VAV3: variants seen among roughly 807,000 people sequenced by gnomAD.
VAV3 encodes guanine nucleotide exchange factor VAV3.
Under a neutral mutation model 131.2 loss-of-function variants are expected in VAV3, and 94 were observed. The ratio of observed to expected loss-of-function variants is 0.72; its 90% confidence interval spans 0.61 to 0.85. The LOEUF is 0.85. VAV3 is among the 40% of genes least tolerant of loss of function. The pLI is 0.00. For missense variants in VAV3, 939 were observed against 1,002.7 expected (o/e 0.94, Z 0.86); for synonymous variants, 349 against 342.0 (o/e 1.02, Z -0.22).
At chr1:107,679,125 C>T (rs1475027946) in intron 19 of VAV3, among the ~76,000 whole-genome samples, 1 of 152,066 alleles carries the variant, frequency 6.6e-6, no homozygotes, top group Non-Finnish European at 1.5e-5. Context: ...TTTCTTCATA[C>T]AATAACAAAT....
intron 10 of VAV3, among the ~76,000 whole-genome samples, chr1:107,757,973 G>C (rs1664207117): frequency 6.6e-6 from 1 of 152,044 alleles, no homozygotes; most frequent in Non-Finnish European, 1.5e-5. Context: ...AAATTCACAC[G>C]AGTCCCGGAC....
intron 15 of VAV3, among the ~76,000 whole-genome samples, chr1:107,739,765 C>T (rs1239595851): frequency 6.6e-6 from 1 of 152,166 alleles, no homozygotes; most frequent in African/African-American, 2.4e-5. Flanking sequence ...GGGCTTTGGA[C>T]ACTAAGAAAA....
At chr1:107,689,535 T>C (rs902589687) in intron 17 of VAV3, among the ~76,000 whole-genome samples, 1 of 152,054 alleles carries the variant, frequency 6.6e-6, no homozygotes, top group African/African-American at 2.4e-5. Flanking sequence ...TTTTTCTTTT[T>C]TTAACGAATA....
At chr1:107,743,795 A>C (rs2102029690) in intron 15 of VAV3, among the ~76,000 whole-genome samples, 1 of 152,356 alleles carries the variant, frequency 6.6e-6, no homozygotes, top group Middle Eastern at 3.4e-3. Flanking sequence ...TAAACTACAG[A>C]AAGTAAACTT....
intron 15 of VAV3, among the ~76,000 whole-genome samples, chr1:107,714,990 A>T (rs1661009957): frequency 1.3e-5 from 2 of 152,208 alleles, no homozygotes; most frequent in African/African-American, 4.8e-5. Context: ...AATGAAATGT[A>T]AAGTCAGTTA....
chr1:107,589,817 C>T (rs1056869783), intron 25 of VAV3, among the ~76,000 whole-genome samples: 29 of 151,982 alleles, frequency 1.9e-4, no homozygotes, highest in Non-Finnish European at 2.9e-5. Flanking sequence ...TGGTTAGGAA[C>T]CTGTACGAAG....
intron 2 of VAV3, among the ~76,000 whole-genome samples, chr1:107,799,801 A>C (rs1321835081): frequency 6.6e-6 from 1 of 152,152 alleles, no homozygotes; most frequent in South Asian, 2.1e-4. Context: ...TTTTTCTATC[A>C]AATTGTATAT....
chr1:107,653,547 C>A (rs1209853397), intron 19 of VAV3, among the ~76,000 whole-genome samples: 1 of 151,968 alleles, frequency 6.6e-6, no homozygotes, highest in Admixed American at 6.6e-5. Flanking sequence ...AAGGTTTAGT[C>A]CCTCCCTTAT....
At chr1:107,780,043 G>A (rs1018532322) in intron 2 of VAV3, among the ~76,000 whole-genome samples, 1 of 152,168 alleles carries the variant, frequency 6.6e-6, no homozygotes, top group African/African-American at 2.4e-5. Flanking sequence ...ATATAGCAAA[G>A]CAGGTGAGAC....
intron 17 of VAV3, among the ~76,000 whole-genome samples, chr1:107,695,319 G>A (rs546720347): frequency 6.6e-6 from 1 of 152,212 alleles, no homozygotes; most frequent in African/African-American, 2.4e-5. Context: ...GTAAGAATAA[G>A]ATTAAGAGCA....
chr1:107,736,529 T>G (rs7549703), intron 15 of VAV3, among the ~76,000 whole-genome samples: 11,723 of 152,200 alleles, frequency 0.077, 545 homozygotes, highest in African/African-American at 0.13. Context: ...ACAAAATCAA[T>G]GTGCAAAAAT....
At chr1:107,704,417 T>G in intron 17 of VAV3, 133 bp downstream of exon 17, 2 of 630,060 alleles carry the variant, frequency 3.2e-6, no homozygotes, top group Non-Finnish European at 5.3e-6. Flanking sequence ...TTTCTAATTG[T>G]GCTTATAAAT....
intron 19 of VAV3, among the ~76,000 whole-genome samples, chr1:107,658,592 A>G (rs549342499): frequency 6.9e-4 from 105 of 152,046 alleles, no homozygotes; most frequent in African/African-American, 2.4e-3. Flanking sequence ...CTATTTCTCC[A>G]CATCCTCTCC....
chr1:107,770,738 G>A lies in VAV3; in HGVS notation c.556-10C>T. 1 of 1,589,338 alleles carries A rather than the reference G, an allele frequency of 6.3e-7. No homozygotes were observed. The highest frequency in any genetic ancestry group is 8.6e-7 in the Non-Finnish European group (1 of 1,165,394). On this transcript the variant is annotated splice_polypyrimidine_tract_variant and intron_variant, in intron 5 of 26. Coordinates refer to ENST00000370056, the MANE Select transcript of VAV3 (RefSeq NM_006113.5). Reference sequence around the variant, plus strand: ...CATTTTCTGGACATTTCTGCAGTTAGAATTATCAAAATAAAATGATTTAAT... The same window carrying A: ...CATTTTCTGGACATTTCTGCAGTTAAAATTATCAAAATAAAATGATTTAAT...
At chr1:107,666,546 T>C (rs1657421964) in intron 19 of VAV3, among the ~76,000 whole-genome samples, 1 of 151,228 alleles carries the variant, frequency 6.6e-6, no homozygotes, top group South Asian at 2.1e-4. Context: ...CTCCCTTTCA[T>C]ACTTCTATGG....
In VAV3 at chr1:107,766,523, T is replaced by C. The variant is rs747096737; in HGVS notation, c.745A>G (p.Met249Val). 3.1e-6 allele frequency: 5 copies of C among 1,613,356 alleles called. No individual in the cohort carries two copies. In the Admixed American group the frequency reaches 8.3e-5, roughly 27 times the overall value. The change falls in exon 8 of 27, where the codon ATG (methionine) becomes GTG (valine). Residue 249 changes from methionine to valine, a missense_variant. Transcript: ENST00000370056. ...ACAATGGAATCATGAATCTCTTGCATTAGGTTCCGATGAAGTTTTACAAGT... is the reference window on the plus strand; with the variant it reads ...ACAATGGAATCATGAATCTCTTGCACTAGGTTCCGATGAAGTTTTACAAGT... ...PELVKLHRNL[M>V]QEIHDSIVNK...
At chr1:107,588,165 C>T (rs1244148406) in intron 25 of VAV3, among the ~76,000 whole-genome samples, 1 of 152,030 alleles carries the variant, frequency 6.6e-6, no homozygotes, top group East Asian at 1.9e-4. Context: ...CCTGAAGTAA[C>T]TAAATAAAAA....
chr1:107,573,731 T>C (rs1290105559), intron 26 of VAV3, among the ~76,000 whole-genome samples: 2 of 152,226 alleles, frequency 1.3e-5, no homozygotes, highest in African/African-American at 2.4e-5. Context: ...TATAGATATT[T>C]TGCAATACAC....
At chr1:107,663,256 T>C (rs1483443921) in intron 19 of VAV3, among the ~76,000 whole-genome samples, 5 of 152,156 alleles carry the variant, frequency 3.3e-5, no homozygotes, top group Non-Finnish European at 7.3e-5. Context: ...AGATACAGAC[T>C]TCTACACTGT....
Sources: allele counts gnomAD v4.1 joint callset (sites outside exome capture counted in the v4.1 genomes callset), GRCh38; gene constraint gnomAD v4.1.1; transcripts MANE v1.5; gene names NCBI Gene and HGNC (gene_info 2026-07-23, HGNC 2026-07-21).